The following ZNF827 variants were observed in gnomAD, a reference collection of about 807,000 sequenced individuals.
ZNF827 encodes zinc finger protein 827.
ZNF827 carries 13 observed loss-of-function variants against 102.4 expected under a neutral mutation model. The observed-to-expected ratio is 0.13, with a 90% CI of 0.08 to 0.20. The LOEUF (loss-of-function observed/expected upper bound fraction) is 0.20. Among genes scored for constraint, ZNF827 ranks in the 10% least tolerant of loss-of-function variants. The pLI is 1.00. For synonymous variants in ZNF827, 523 were observed against 536.2 expected, an observed-to-expected ratio of 0.98 and a Z score of 0.34; for missense variants, 1,103 against 1,344.4, an observed-to-expected ratio of 0.82 and a Z score of 2.81.
At chr4:145,849,042 G>A (rs1746263243) in intron 6 of ZNF827, among the ~76,000 whole-genome samples, 1 of 152,128 alleles carries the variant, frequency 6.6e-6, no homozygotes, top group Non-Finnish European at 1.5e-5. Flanking sequence ...TAGAGGTGAG[G>A]TGTTTAGCCC....
chr4:145,758,644 T>C lies in ZNF827; in HGVS notation c.*2972A>G, dbSNP rs537166423. 1 of 152,350 alleles carries C rather than the reference T, an allele frequency of 6.6e-6. No homozygotes were observed. The highest frequency in any genetic ancestry group is 1.9e-4 in the East Asian group (1 of 5,184). 9.4% of individuals were successfully genotyped at this position (152,350 alleles called of 1,614,324 possible). On this transcript the variant is annotated 3_prime_UTR_variant, in exon 15 of 15. Coordinates refer to ENST00000508784, the MANE Select transcript of ZNF827 (RefSeq NM_001306215.2). ...TAAGCCCAGTATTCTTGGAGTGTAT[T>C]GTCCATAACTATCTATAGTGTCTTT...
At chr4:145,914,062 G>GACAC (rs34866639) in intron 1 of ZNF827, among the ~76,000 whole-genome samples, 46,931 of 148,074 alleles carry the variant, frequency 0.32, 10,665 homozygotes, top group African/African-American at 0.64. Context: ...TTTCTTTGTA[G>GACAC]ACACACACAC....
chr4:145,909,581 T>C (rs1752120097), intron 1 of ZNF827, among the ~76,000 whole-genome samples: 1 of 152,206 alleles, frequency 6.6e-6, no homozygotes, highest in African/African-American at 2.4e-5. Flanking sequence ...GGCCTATCAC[T>C]GAAGCCAGGG....
At chr4:145,924,533 G>T (rs1753289084) in intron 1 of ZNF827, among the ~76,000 whole-genome samples, 1 of 152,230 alleles carries the variant, frequency 6.6e-6, no homozygotes, top group Non-Finnish European at 1.5e-5. Flanking sequence ...AGTGTCTGCA[G>T]CACTGGCCCT....
intron 8 of ZNF827, 53 bp from the exon 9 acceptor site, chr4:145,779,564 T>C (rs1203896775): frequency 6.3e-7 from 1 of 1,587,422 alleles, no homozygotes; most frequent in Non-Finnish European, 8.6e-7. Flanking sequence ...GAATACATTT[T>C]CTGTTAGTCA....
chr4:145,879,349 T>A (rs1258130170), intron 4 of ZNF827, among the ~76,000 whole-genome samples: 3 of 152,216 alleles, frequency 2.0e-5, no homozygotes, highest in Non-Finnish European at 4.4e-5. Context: ...GCACATTTGA[T>A]TAATTATAGC....
At position 145,918,332 on chromosome 4, in the gene ZNF827, C is replaced by CAAAAA. The variant is rs34428145; in HGVS notation, c.44-15122_44-15118dup. 5.0e-4 allele frequency among the ~76,000 whole-genome samples: 11 copies of CAAAAA among 22,140 alleles called. No individual in the cohort carries two copies. In the East Asian group the frequency reaches 9.5e-3, roughly 19 times the overall value. The allele number at this position is 22,140 out of a possible 152,430, so 14.5% of individuals were successfully genotyped here. A position where few individuals can be genotyped will look rare whatever the true frequency, so the allele number is the denominator to read the frequency against. ...CATAAAAACTATTCTTAGCTCAAGGCAAAAAAAAAAAAAAAAAAAAAAAAA... is the reference window on the plus strand; with the variant it reads ...CATAAAAACTATTCTTAGCTCAAGGCAAAAAAAAAAAAAAAAAAAAAAAAAAAAAA... On this transcript the variant is annotated intron_variant, in intron 1 of 14. Transcript: ENST00000508784.
chr4:145,836,957 A>C (rs1409450919), intron 7 of ZNF827, among the ~76,000 whole-genome samples: 1 of 152,166 alleles, frequency 6.6e-6, no homozygotes, highest in Non-Finnish European at 1.5e-5. Flanking sequence ...TGCCCCACCT[A>C]GTACTGGTAA....
chr4:145,881,151 GA>G (rs1446265581), intron 4 of ZNF827, among the ~76,000 whole-genome samples: 1 of 152,248 alleles, frequency 6.6e-6, no homozygotes, highest in Non-Finnish European at 1.5e-5. Context: ...TACAGTATAT[GA>G]CACAAACACA....
chr4:145,831,932 C>T (rs1272688695), intron 7 of ZNF827: 1 of 151,794 alleles, frequency 6.6e-6, no homozygotes, highest in Non-Finnish European at 1.5e-5. Flanking sequence ...AAATCCAACC[C>T]AGACAAGCCA....
At chr4:145,873,338 C>T (rs542969230) in intron 4 of ZNF827, among the ~76,000 whole-genome samples, 1 of 152,280 alleles carries the variant, frequency 6.6e-6, no homozygotes, top group South Asian at 2.1e-4. Context: ...AAATGTGTTG[C>T]TCCAAATTAG....
intron 7 of ZNF827, among the ~76,000 whole-genome samples, chr4:145,842,641 G>A (rs1745529160): frequency 6.6e-6 from 1 of 152,140 alleles, no homozygotes; most frequent in South Asian, 2.1e-4. Flanking sequence ...CATGTCCTTG[G>A]ATATCCAGAT....
intron 5 of ZNF827, among the ~76,000 whole-genome samples, chr4:145,856,863 T>C (rs573240492): frequency 2.6e-5 from 4 of 152,366 alleles, no homozygotes; most frequent in South Asian, 4.1e-4. Context: ...AATACTCTTT[T>C]CTGGTGGTTA....
chr4:145,935,169 G>C (rs975363713), intron 1 of ZNF827, among the ~76,000 whole-genome samples: 3 of 152,054 alleles, frequency 2.0e-5, no homozygotes, highest in African/African-American at 4.8e-5. Context: ...TTAATCCCCA[G>C]ACTTCCTATA....
At chr4:145,892,550 T>C in intron 2 of ZNF827, 135 bp from the exon 3 acceptor site, 1 of 982,930 alleles carries the variant, frequency 1.0e-6, no homozygotes, top group Non-Finnish European at 1.4e-6. Context: ...TCCGAGATTT[T>C]ATCCATAAGA....
At chr4:145,815,131 G>C (rs563074097) in intron 8 of ZNF827, among the ~76,000 whole-genome samples, 1 of 152,280 alleles carries the variant, frequency 6.6e-6, no homozygotes, top group South Asian at 2.1e-4. Context: ...TGTTTTTGGA[G>C]GAGTGGTATG....
At chr4:145,826,745 G>A (rs1743721794) in intron 7 of ZNF827, among the ~76,000 whole-genome samples, 1 of 152,144 alleles carries the variant, frequency 6.6e-6, no homozygotes, top group Non-Finnish European at 1.5e-5. Flanking sequence ...CAACCACTGT[G>A]GGTCTTTTTT....
In ZNF827 at chr4:145,825,468, C is replaced by T. The variant is rs541220369; in HGVS notation, c.2280-1943G>A. Among the ~76,000 whole-genome samples the T allele has an allele frequency of 2.0e-4, 30 of 152,330 alleles. 1 individual carries two copies. In the South Asian group the frequency reaches 5.2e-3, roughly 26 times the overall value. On this transcript the variant is annotated intron_variant, in intron 7 of 14. Coordinates refer to ENST00000508784, the MANE Select transcript of ZNF827 (RefSeq NM_001306215.2). ...CCTGGGGGACTTGCAGAAGACAAGG[C>T]GTGTGGCCAGTGCAGCAGTCCAGAT...
At chr4:145,839,260 G>A (rs1653822894) in intron 7 of ZNF827, 1 of 152,190 alleles carries the variant, frequency 6.6e-6, no homozygotes, top group African/African-American at 2.4e-5. Flanking sequence ...AAACTTCTCG[G>A]GACAAGGAGC....
Sources: allele counts gnomAD v4.1 joint callset (sites outside exome capture counted in the v4.1 genomes callset), GRCh38; gene constraint gnomAD v4.1.1; transcripts MANE v1.5; gene names NCBI Gene and HGNC (gene_info 2026-07-23, HGNC 2026-07-21).